ANKRD55: variants seen among roughly 807,000 people sequenced by gnomAD.
ANKRD55 encodes the protein ankyrin repeat domain 55, also known as ankyrin repeat domain-containing protein 55.
Under a neutral mutation model 60.6 loss-of-function variants are expected in ANKRD55, and 41 were observed. The ratio of observed to expected loss-of-function variants is 0.68; its 90% CI spans 0.53 to 0.88. The LOEUF (loss-of-function observed/expected upper bound fraction) is 0.88, where lower values mean the gene tolerates loss of function less well. ANKRD55 is among the 40% of genes least tolerant of loss of function. ANKRD55 has a pLI of 0.00. For missense variants in ANKRD55, 732 were observed against 767.6 expected (o/e 0.95, Z 0.55); for synonymous variants, 264 against 290.3 (o/e 0.91, Z 0.92).
chr5:56,220,535 C>T (rs159562), intron 2 of ANKRD55, among the ~76,000 whole-genome samples: 64,629 of 152,046 alleles, frequency 0.43, 16,688 homozygotes, highest in East Asian at 0.83. Flanking sequence ...CTGAAAGAGG[C>T]GGGGCACAGT....
intron 9 of ANKRD55, 59 bp from the exon 10 acceptor site, chr5:56,111,841 C>T: frequency 7.2e-7 from 1 of 1,393,062 alleles, no homozygotes; most frequent in East Asian, 2.5e-5. Flanking sequence ...AGACATCACT[C>T]ACCGAAATAC....
chr5:56,158,402 T>C (rs1432265081), intron 6 of ANKRD55, among the ~76,000 whole-genome samples: 1 of 152,224 alleles, frequency 6.6e-6, no homozygotes, highest in Non-Finnish European at 1.5e-5. Flanking sequence ...GGTATTTAAA[T>C]TGATTTTAAG....
intron 2 of ANKRD55, among the ~76,000 whole-genome samples, chr5:56,209,655 C>T (rs921307002): frequency 1.3e-5 from 2 of 151,716 alleles, no homozygotes; most frequent in Non-Finnish European, 2.9e-5. Context: ...TTAGTAGAGA[C>T]GCAGTTTCAC....
rs754266953 is a variant in ANKRD55, at chr5:56,166,086, T to TTTTCTTTCTTTCTTTCTTTC, written c.422+4588_422+4607dup. Among the ~76,000 whole-genome samples, 168 of 91,814 alleles carry TTTTCTTTCTTTCTTTCTTTC rather than the reference T, an allele frequency of 1.8e-3. 7 individuals are homozygous for TTTTCTTTCTTTCTTTCTTTC. Among genetic ancestry groups the TTTTCTTTCTTTCTTTCTTTC allele is most frequent in the East Asian group, 6.2e-3 (18 of 2,924 alleles). The allele number at this position is 91,814 out of a possible 152,430, so 60.2% of individuals were successfully genotyped here. A position where few individuals can be genotyped will look rare whatever the true frequency, so the allele number is the denominator to read the frequency against. ...CACCCTTCAGGGATCTTTCTTTTCTTTTTCTTTCTTTCTTTCTTTCTTTCT... is the reference window on the plus strand; with the variant it reads ...CACCCTTCAGGGATCTTTCTTTTCTTTTTCTTTCTTTCTTTCTTTCTTTCTTTCTTTCTTTCTTTCTTTCT... On this transcript the variant is annotated intron_variant, in intron 5 of 11. Coordinates refer to ENST00000341048, the MANE Select transcript of ANKRD55 (RefSeq NM_024669.3).
intron 7 of ANKRD55, among the ~76,000 whole-genome samples, chr5:56,138,827 G>A (rs569879383): frequency 5.9e-5 from 9 of 152,328 alleles, no homozygotes; most frequent in African/African-American, 2.2e-4. Context: ...TAGGGATTAG[G>A]GTAAGGGTGG....
chr5:56,224,712 C>A (rs1023001462), intron 2 of ANKRD55, among the ~76,000 whole-genome samples: 2 of 152,044 alleles, frequency 1.3e-5, no homozygotes, highest in African/African-American at 4.8e-5. Context: ...CACCTCTACG[C>A]AAATAAACTA....
intron 6 of ANKRD55, among the ~76,000 whole-genome samples, chr5:56,153,797 A>T (rs1384664012): frequency 1.3e-5 from 2 of 151,830 alleles, no homozygotes; most frequent in African/African-American, 2.4e-5. Context: ...AGATCGCACC[A>T]TTGTACTCCG....
At position 56,135,253 on chromosome 5, in the gene ANKRD55, TC is replaced by T. The variant is rs1561263737; in HGVS notation, c.613-8148del. On this transcript the variant is annotated intron_variant, in intron 7 of 11. Transcript: ENST00000341048. ...TTCCTTCCTTCCTTCCTTCCTTCCTTCCTTCCTTCTTTCCCTCCCTCCCTCC... is the reference window on the plus strand; with the variant it reads ...TTCCTTCCTTCCTTCCTTCCTTCCTTCTTCCTTCTTTCCCTCCCTCCCTCC... Among the ~76,000 whole-genome samples the T allele has an allele frequency of 2.4e-3, 323 of 134,902 alleles. 11 individuals are homozygous for T. The highest frequency in any genetic ancestry group is 9.0e-3 in the African/African-American group (307 of 34,044). The allele number at this position is 134,902 out of a possible 152,430, so 88.5% of individuals were successfully genotyped here.
Position 56,102,486 on chromosome 5 carries a change from ATACT to A in ANKRD55, c.1723+4_1723+7del, listed in dbSNP as rs1756314463. On this transcript the variant is annotated splice_donor_5th_base_variant and intron_variant, in intron 11 of 11. Coordinates refer to ENST00000341048, the MANE Select transcript of ANKRD55 (RefSeq NM_024669.3). ...CAAAGGAAGCTGCGGAAGATTCATA[ATACT>A]TACATTTTTGATCTGGTAGGGGAGC... The A allele has an allele frequency of 6.3e-7, 1 of 1,585,528 alleles. No individual in the cohort carries two copies. The highest frequency in any genetic ancestry group is 1.3e-5 in the African/African-American group (1 of 74,194).
At chr5:56,192,707 A>G in intron 2 of ANKRD55, 1 of 1,372,430 alleles carries the variant, frequency 7.3e-7, no homozygotes, top group Non-Finnish European at 1.0e-6. Flanking sequence ...TTCAGATGAT[A>G]ATGGACAGAA....
intron 2 of ANKRD55, chr5:56,193,039 G>A (rs544737833): frequency 8.3e-5 from 81 of 975,992 alleles, no homozygotes; most frequent in Non-Finnish European, 1.1e-4. Context: ...ATGCTGATTG[G>A]TTTTTGAAAG....
At chr5:56,207,299 G>A (rs1759535628) in intron 2 of ANKRD55, among the ~76,000 whole-genome samples, 1 of 152,166 alleles carries the variant, frequency 6.6e-6, no homozygotes, top group Non-Finnish European at 1.5e-5. Context: ...AGTGAGAATG[G>A]AGAAATCCTT....
Position 56,162,412 on chromosome 5 carries a change from A to G in ANKRD55, c.423-2519T>C, listed in dbSNP as rs1249758850. ...CCTATCGGGTTTTGCCGATGGGGGA[A>G]CTGGCAGGAGGAGGGAGAGAAGCCA... On this transcript the variant is annotated intron_variant, in intron 5 of 11. Coordinates refer to ENST00000341048, the MANE Select transcript of ANKRD55 (RefSeq NM_024669.3). Among the ~76,000 whole-genome samples the G allele has an allele frequency of 2.6e-5, 4 of 152,292 alleles. No individual in the cohort carries two copies. In the South Asian group the frequency reaches 8.3e-4, roughly 32 times the overall value.
In ANKRD55 at chr5:56,143,856, G is replaced by GC; in HGVS notation, c.556dup (p.Ala186GlyfsTer8). 1 of 1,614,156 alleles carries GC rather than the reference G, an allele frequency of 6.2e-7. No individual in the cohort carries two copies. Among genetic ancestry groups the GC allele is most frequent in the Non-Finnish European group, 8.5e-7 (1 of 1,180,028 alleles). On this transcript the variant is annotated frameshift_variant, in exon 7 of 12. Transcript: ENST00000341048. LOFTEE classifies it high-confidence loss of function. The stretch of plus-strand genomic sequence containing the variant: ...GTCTTTATCCACAAGGGTGGGGTCT[G>GC]CCCCCTTCTTCAGCAGCATTTGTGT...
At chr5:56,101,126 T>C (rs939687707) in intron 11 of ANKRD55, among the ~76,000 whole-genome samples, 6 of 152,232 alleles carry the variant, frequency 3.9e-5, no homozygotes, top group African/African-American at 1.4e-4. Context: ...CTATTTTTCA[T>C]TGTTTTTACC....
At chr5:56,188,588 T>C (rs553130596) in intron 2 of ANKRD55, among the ~76,000 whole-genome samples, 4 of 152,350 alleles carry the variant, frequency 2.6e-5, no homozygotes, top group Non-Finnish European at 5.9e-5. Context: ...CTTTCCCAAA[T>C]GTATGTCTTG....
At chr5:56,116,561 A>C (rs1260928663) in intron 9 of ANKRD55, 54 bp downstream of exon 9, 1 of 1,376,308 alleles carries the variant, frequency 7.3e-7, no homozygotes, top group Non-Finnish European at 9.5e-7. Context: ...ATTTCATCCA[A>C]ATTTATAAAT....
chr5:56,211,964 A>C (rs529389204), intron 2 of ANKRD55, among the ~76,000 whole-genome samples: 42 of 152,248 alleles, frequency 2.8e-4, no homozygotes, highest in Admixed American at 5.2e-4. Flanking sequence ...CAAATGGCCA[A>C]GGGACAAATA....
chr5:56,179,917 C>G (rs1392585720), intron 3 of ANKRD55, among the ~76,000 whole-genome samples: 1 of 152,118 alleles, frequency 6.6e-6, no homozygotes, highest in South Asian at 2.1e-4. Flanking sequence ...ATTAACCTAG[C>G]TAGTTTTGAT....
Sources: gnomAD v4.1 joint callset for allele counts (sites outside exome capture counted in the v4.1 genomes callset) on GRCh38, gnomAD v4.1.1 for gene constraint, MANE v1.5 for transcripts, NCBI Gene and HGNC (gene_info 2026-07-23, HGNC 2026-07-21) for gene names.